JHY: variants seen among roughly 807,000 people sequenced by gnomAD.
JHY encodes the protein jhy protein homolog.
A neutral mutation model predicts 78.0 loss-of-function variants in JHY; 69 were observed. The observed-to-expected ratio is 0.88, with a 90% CI of 0.73 to 1.08. JHY has a LOEUF of 1.08. Among genes scored for constraint, JHY ranks in the 50% least tolerant of loss-of-function variants. The pLI is 0.00. For synonymous variants in JHY, 368 were observed against 342.6 expected, an observed-to-expected ratio of 1.07 and a Z score of -0.82; for missense variants, 944 against 927.8, an observed-to-expected ratio of 1.02 and a Z score of -0.23.
chr11:122,892,223 A>C (rs1253069087), intron 2 of JHY, among the ~76,000 whole-genome samples: 1 of 152,140 alleles, frequency 6.6e-6, no homozygotes, highest in Admixed American at 6.5e-5. Context: ...ACCTTGTATT[A>C]TAAATTAATA....
intron 3 of JHY, among the ~76,000 whole-genome samples, chr11:122,911,448 G>T (rs3107636): frequency 0.18 from 27,900 of 152,080 alleles, 3,476 homozygotes; most frequent in African/African-American, 0.36. Context: ...TATTAAATAT[G>T]AGGTACTCCT....
At position 122,904,024 on chromosome 11, in the gene JHY, G is replaced by T. The variant is rs764739561; in HGVS notation, c.444G>T (p.Pro148=). The T allele has an allele frequency of 3.1e-6, 5 of 1,614,116 alleles. No individual in the cohort carries two copies. Among genetic ancestry groups the T allele is most frequent in the Non-Finnish European group, 3.4e-6 (4 of 1,180,020 alleles). Residue 148 remains proline (P), a synonymous_variant, in exon 3 of 9, where the codon CCG becomes CCT. Coordinates refer to ENST00000227349, the MANE Select transcript of JHY (RefSeq NM_024806.4). ...AGCTGCTGTCTGTGGAAGCGTTGCC[G>T]GAGTCCACGGACAGCTCTTTAGAAA... is the stretch of plus-strand genomic sequence containing the variant. ...EGQLLSVEAL[P]ESTDSSLENL...
intron 5 of JHY, among the ~76,000 whole-genome samples, chr11:122,936,702 GT>G (rs1863764636): frequency 6.6e-6 from 1 of 151,966 alleles, no homozygotes; most frequent in African/African-American, 2.4e-5. Context: ...TATTCCTAGG[GT>G]TAACCCAATT....
intron 4 of JHY, among the ~76,000 whole-genome samples, chr11:122,933,666 C>A (rs1863681509): frequency 6.6e-6 from 1 of 152,176 alleles, no homozygotes; most frequent in African/African-American, 2.4e-5. Flanking sequence ...ACAGCACAGG[C>A]TCTTTTATAA....
chr11:122,896,725 G>GTT, intron 2 of JHY, among the ~76,000 whole-genome samples: 1 of 152,296 alleles, frequency 6.6e-6, no homozygotes, highest in African/African-American at 2.4e-5. Context: ...GTTATGTCAC[G>GTT]GGGACTGAAT....
At chr11:122,884,370 A>G (rs1391090570) in intron 1 of JHY, among the ~76,000 whole-genome samples, 1 of 152,184 alleles carries the variant, frequency 6.6e-6, no homozygotes, top group African/African-American at 2.4e-5. Flanking sequence ...TGCCAAAAGA[A>G]CAAGAGCAAG....
intron 2 of JHY, among the ~76,000 whole-genome samples, chr11:122,893,576 A>G (rs1036971580): frequency 9.8e-5 from 15 of 152,328 alleles, no homozygotes; most frequent in African/African-American, 3.6e-4. Context: ...AATGACCTAC[A>G]ACGCTGTGAG....
rs1305851890 is a variant in JHY at position 122,903,921 on chromosome 11, G to A, written c.345-4G>A. On this transcript the variant is annotated splice_polypyrimidine_tract_variant and splice_region_variant and intron_variant, in intron 2 of 8. Coordinates refer to ENST00000227349, the MANE Select transcript of JHY (RefSeq NM_024806.4). ...ACTTGGCATTTCTCTTCTGCTTTGGGCAGGCAACAACCAATAGAAGACAAA... is the reference window on the plus strand; with the variant it reads ...ACTTGGCATTTCTCTTCTGCTTTGGACAGGCAACAACCAATAGAAGACAAA... 1.9e-6 allele frequency: 3 copies of A among 1,563,236 alleles called. No individual in the cohort carries two copies. The highest frequency in any genetic ancestry group is 2.6e-6 in the Non-Finnish European group (3 of 1,153,718).
chr11:122,957,342 T>A (rs371342407), intron 7 of JHY, 21 bp from the exon 8 acceptor site: 1 of 1,511,918 alleles, frequency 6.6e-7, no homozygotes, highest in Non-Finnish European at 8.8e-7. Context: ...GGATTCATCA[T>A]AACTTTGTTT....
chr11:122,910,045 A>G (rs1365989327), intron 3 of JHY, among the ~76,000 whole-genome samples: 1 of 152,174 alleles, frequency 6.6e-6, no homozygotes, highest in Non-Finnish European at 1.5e-5. Context: ...TTTGGGGAGT[A>G]AATAAGTTAT....
At chr11:122,937,556 C>G (rs952931961) in intron 5 of JHY, among the ~76,000 whole-genome samples, 1 of 152,114 alleles carries the variant, frequency 6.6e-6, no homozygotes, top group African/African-American at 2.4e-5. Context: ...TTTGAGCACC[C>G]CTTCCGGCAT....
At chr11:122,893,863 T>C (rs1009481497) in intron 2 of JHY, among the ~76,000 whole-genome samples, 24 of 152,164 alleles carry the variant, frequency 1.6e-4, no homozygotes, top group African/African-American at 4.8e-4. Flanking sequence ...TTATTTATTG[T>C]ACAGAGGAGG....
At chr11:122,915,103 A>T (rs1354570948) in intron 3 of JHY, among the ~76,000 whole-genome samples, 4 of 152,198 alleles carry the variant, frequency 2.6e-5, no homozygotes, top group Non-Finnish European at 1.5e-5. Context: ...CAGAAATTTA[A>T]CATAAATTTC....
At position 122,904,181 on chromosome 11, in the gene JHY, G is replaced by C; in HGVS notation, c.601G>C (p.Glu201Gln). 6.2e-7 allele frequency: 1 copy of C among 1,614,204 alleles called. No individual in the cohort carries two copies. Among genetic ancestry groups the C allele is most frequent in the Non-Finnish European group, 8.5e-7 (1 of 1,180,034 alleles). The change falls in exon 3 of 9, where the codon GAG (glutamate) becomes CAG (glutamine). Residue 201 changes from glutamate to glutamine, a missense_variant. By Grantham distance (29) the Glu-to-Gln change is conservative. Coordinates refer to ENST00000227349, the MANE Select transcript of JHY (RefSeq NM_024806.4). ...LGSEFLSPNY[E>Q]HGARRSKPFS... ...TAGTGAATTTTTAAGCCCAAACTAT[G>C]AGCATGGTGCCCGTCGCAGCAAGCC...
intron 6 of JHY, among the ~76,000 whole-genome samples, chr11:122,948,558 A>G (rs1864016251): frequency 2.0e-5 from 3 of 151,644 alleles, no homozygotes; most frequent in Admixed American, 1.3e-4. Flanking sequence ...TTCCAGTTGC[A>G]TGGAGCTTGG....
At position 122,962,819 on chromosome 11, in the gene JHY, T is replaced by A. The variant is rs1301875049; in HGVS notation, c.*3374T>A. 6.6e-6 allele frequency among the ~76,000 whole-genome samples: 1 copy of A among 152,178 alleles called. No individual in the cohort carries two copies. The highest frequency in any genetic ancestry group is 1.5e-5 in the Non-Finnish European group (1 of 68,008). ...AATGGAGGTGAAGAGAAAGGTTACATGACTCGGAAGTCCATCAGTCCTACT... is the reference window on the plus strand; with the variant it reads ...AATGGAGGTGAAGAGAAAGGTTACAAGACTCGGAAGTCCATCAGTCCTACT... On this transcript the variant is annotated 3_prime_UTR_variant, in exon 9 of 9. Coordinates refer to ENST00000227349, the MANE Select transcript of JHY (RefSeq NM_024806.4).
In JHY at chr11:122,927,889, C is replaced by T. The variant is rs576650868; in HGVS notation, c.978+2879C>T. Among the ~76,000 whole-genome samples the T allele has an allele frequency of 9.1e-4, 138 of 152,078 alleles. 1 individual carries two copies. Among genetic ancestry groups the T allele is most frequent in the African/African-American group, 3.3e-3 (135 of 41,494 alleles). On this transcript the variant is annotated intron_variant, in intron 4 of 8. Transcript: ENST00000227349. The stretch of plus-strand genomic sequence containing the variant: ...GGGATTACAGGCACCCACCACCACG[C>T]CCAGCTAATTTTTGTATTTTTAGTA...
intron 8 of JHY, chr11:122,958,645 G>A (rs563167981): frequency 1.7e-4 from 137 of 821,868 alleles, no homozygotes; most frequent in Non-Finnish European, 1.8e-4. Context: ...ATAAAGGCAG[G>A]TTTAGGAATC....
Position 122,959,596 on chromosome 11 carries a change from G to C in JHY, c.*151G>C, listed in dbSNP as rs1838222877. Reference sequence around the variant, plus strand: ...GCTTTCTGCAGGATTTAAAATATGAGGCCCAATTGGATTATGGTGCCATAT... The same window carrying C: ...GCTTTCTGCAGGATTTAAAATATGACGCCCAATTGGATTATGGTGCCATAT... On this transcript the variant is annotated 3_prime_UTR_variant, in exon 9 of 9. Transcript: ENST00000227349. The C allele has an allele frequency of 2.8e-6, 2 of 711,386 alleles. No homozygotes were observed. Among genetic ancestry groups the C allele is most frequent in the Non-Finnish European group, 4.5e-6 (2 of 445,256 alleles). The allele number at this position is 711,386 out of a possible 1,614,324, so 44.1% of individuals were successfully genotyped here. A position where few individuals can be genotyped will look rare whatever the true frequency, so the allele number is the denominator to read the frequency against.
Sources: gnomAD v4.1 joint callset for allele counts (sites outside exome capture counted in the v4.1 genomes callset) on GRCh38, gnomAD v4.1.1 for gene constraint, MANE v1.5 for transcripts, NCBI Gene and HGNC (gene_info 2026-07-23, HGNC 2026-07-21) for gene names.